Variants in TSBP1 observed in about 807,000 individuals in gnomAD.
TSBP1 encodes the protein testis expressed basic protein 1, also known as testis-expressed basic protein 1.
In TSBP1, 56 loss-of-function variants were observed where a neutral mutation model predicts 68.8. That is an observed-to-expected ratio of 0.81 (90% CI 0.66 to 1.02). The LOEUF (loss-of-function observed/expected upper bound fraction) is 1.02, where lower values mean the gene tolerates loss of function less well. TSBP1 is among the 50% of genes least tolerant of loss of function. The pLI, the probability that TSBP1 is intolerant of heterozygous loss-of-function variation, is 0.00. For missense variants in TSBP1, 502 were observed against 641.2 expected (o/e 0.78, Z 2.34); for synonymous variants, 171 against 208.7 (o/e 0.82, Z 1.56).
intron 4 of TSBP1, 83 bp downstream of exon 4, chr6:32,367,842 C>A: frequency 9.8e-7 from 1 of 1,018,010 alleles, no homozygotes; most frequent in Non-Finnish European, 1.5e-6. Context: ...CTCAACAAAT[C>A]ATGCTCAAAT....
chr6:32,330,681 T>C, intron 15 of TSBP1, 72 bp from the exon 17 acceptor site: 3 of 1,405,452 alleles, frequency 2.1e-6, no homozygotes, highest in Non-Finnish European at 1.9e-6. Context: ...CACACTTCTA[T>C]TTTTTGAGAC....
intron 1 of TSBP1, among the ~76,000 whole-genome samples, chr6:32,370,779 G>A (rs768588563): frequency 3.3e-5 from 5 of 151,272 alleles, no homozygotes; most frequent in Non-Finnish European, 7.4e-5. Context: ...GCAGTCATAG[G>A]AGAGAAAAAT....
rs2127601569 is a variant in TSBP1 at position 32,333,372 on chromosome 6, A to G, written c.473-1318T>C. On this transcript the variant is annotated intron_variant, in intron 14 of 22. Transcript: ENST00000612031. The surrounding 1 kb of genome is among the most constrained non-coding windows in gnomAD (Gnocchi z 4.2). ...GATGTTAGACTGCATCTGAACTGGG[A>G]GAATTGTAAATATGTATTAAGAAGC... Among the ~76,000 whole-genome samples the G allele has an allele frequency of 6.6e-6, 1 of 152,308 alleles. No homozygotes were observed. The highest frequency in any genetic ancestry group is 1.5e-5 in the Non-Finnish European group (1 of 68,032).
At position 32,370,407 on chromosome 6, in the gene TSBP1, GTATATATATA is replaced by G. The variant is rs9279612; in HGVS notation, c.14-434_14-425del. ...TACCTTTAAAGTTGCAAGATTTTCT[GTATATATATA>G]TATATATATATATATATATATATAT... is the stretch of plus-strand genomic sequence containing the variant. On this transcript the variant is annotated intron_variant, in intron 1 of 22. Coordinates refer to ENST00000612031, the Ensembl canonical transcript of TSBP1. Among the ~76,000 whole-genome samples the G allele has an allele frequency of 3.9e-3, 513 of 130,694 alleles. 13 individuals are homozygous for G. Among genetic ancestry groups the G allele is most frequent in the East Asian group, 0.027 (125 of 4,596 alleles). The allele number at this position is 130,694 out of a possible 152,430, so 85.7% of individuals were successfully genotyped here. A position where few individuals can be genotyped will look rare whatever the true frequency, so the allele number is the denominator to read the frequency against.
chr6:32,342,288 C>T lies in TSBP1; in HGVS notation c.350-2650G>A, dbSNP rs867489939. Among the ~76,000 whole-genome samples, 47 of 151,882 alleles carry T rather than the reference C, an allele frequency of 3.1e-4. 1 individual carries two copies. The highest frequency in any genetic ancestry group is 1.1e-3 in the African/African-American group (46 of 41,414). ...AAGCAATTCTCCTGCCTCAGCCTCC[C>T]GAGTAGCTGGAATTACAGGAGCATA... On this transcript the variant is annotated intron_variant, in intron 9 of 22. Coordinates refer to ENST00000612031, the Ensembl canonical transcript of TSBP1.
chr6:32,342,077 GA>G (rs1216147106), intron 9 of TSBP1, among the ~76,000 whole-genome samples: 3 of 139,180 alleles, frequency 2.2e-5, no homozygotes, highest in African/African-American at 8.2e-5. Flanking sequence ...ACAATCAATT[GA>G]AATCAGTTCC....
rs958754119 is a variant in TSBP1 at position 32,323,579 on chromosome 6, A to G, written c.538+12T>C. 3 of 1,611,498 alleles carry G rather than the reference A, an allele frequency of 1.9e-6. No homozygotes were observed. Among genetic ancestry groups the G allele is most frequent in the Non-Finnish European group, 2.5e-6 (3 of 1,178,890 alleles). ...AACAACAGAAAAGAGTAGAAAAAGAAATTGAACTTACCGCGGGGTGCTGAA... is the reference window on the plus strand; with the variant it reads ...AACAACAGAAAAGAGTAGAAAAAGAGATTGAACTTACCGCGGGGTGCTGAA... On this transcript the variant is annotated intron_variant, in intron 17 of 22. Transcript: ENST00000612031.
In TSBP1 at chr6:32,302,010, A is replaced by C. The variant is rs1749096470; in HGVS notation, c.601+599T>G. Among the ~76,000 whole-genome samples the C allele has an allele frequency of 6.7e-6, 1 of 148,820 alleles. No individual in the cohort carries two copies. The highest frequency in any genetic ancestry group is 2.0e-4 in the East Asian group (1 of 5,114). On this transcript the variant is annotated intron_variant, in intron 20 of 22. Transcript: ENST00000612031. The surrounding 1 kb of genome is among the most constrained non-coding windows in gnomAD (Gnocchi z 5.1). The stretch of plus-strand genomic sequence containing the variant: ...TAATAATAATATTTTGTGGCACATG[A>C]AAATTGTATGAAATTCAAATTTCAA...
In TSBP1 at chr6:32,325,223, C is replaced by A; in HGVS notation, c.515-1609G>T. 4.1e-6 allele frequency: 3 copies of A among 725,070 alleles called. No homozygotes were observed. Among genetic ancestry groups the A allele is most frequent in the South Asian group, 2.0e-5 (1 of 50,112 alleles). 44.9% of individuals were successfully genotyped at this position (725,070 alleles called of 1,614,324 possible). A position where few individuals can be genotyped will look rare whatever the true frequency, so the allele number is the denominator to read the frequency against. On this transcript the variant is annotated intron_variant, in intron 16 of 22. Transcript: ENST00000612031. This position sits in a 1 kb window ranked among gnomAD's most constrained non-coding sequence, Gnocchi z 4.4. ...GTCTCTCTTCTCCTGGCCGTCTTAT[C>A]TAAGTCAGAGTCTCCTAAAGAGCCA... is the stretch of plus-strand genomic sequence containing the variant.
chr6:32,369,380 T>TTC (rs1347981603), intron 2 of TSBP1, among the ~76,000 whole-genome samples: 1 of 149,134 alleles, frequency 6.7e-6, no homozygotes, highest in Admixed American at 6.7e-5. Context: ...GTGATTTTTT[T>TTC]TTTTTTTTGA....
Position 32,338,907 on chromosome 6 carries a change from G to A in TSBP1, c.409+72C>T. The A allele has an allele frequency of 8.8e-7, 1 of 1,133,804 alleles. No individual in the cohort carries two copies. The highest frequency in any genetic ancestry group is 1.5e-5 in the African/African-American group (1 of 65,384). 70.2% of individuals were successfully genotyped at this position (1,133,804 alleles called of 1,614,324 possible). On this transcript the variant is annotated intron_variant, in intron 11 of 22. Coordinates refer to ENST00000612031, the Ensembl canonical transcript of TSBP1. This position sits in a 1 kb window ranked among gnomAD's most constrained non-coding sequence, Gnocchi z 5.5. ...AAGAAATAAAAAAATCTAGGAATATGAGTGTCTTACATATTCTAACAGTTT... is the reference window on the plus strand; with the variant it reads ...AAGAAATAAAAAAATCTAGGAATATAAGTGTCTTACATATTCTAACAGTTT...
At chr6:32,296,607 A>G (rs1393293578) in intron 22 of TSBP1, among the ~76,000 whole-genome samples, 1 of 152,184 alleles carries the variant, frequency 6.6e-6, no homozygotes, top group African/African-American at 2.4e-5. Context: ...GTTTAGGGGT[A>G]TGGTGGTGTG....
intron 9 of TSBP1, 104 bp downstream of exon 9, chr6:32,349,636 T>A (rs545564809): frequency 1.4e-6 from 1 of 690,178 alleles, no homozygotes; most frequent in African/African-American, 1.8e-5. Context: ...AAGCTTAAGC[T>A]TCTGCTGTGC....
intron 10 of TSBP1, 122 bp downstream of exon 11, chr6:32,339,478 T>C (rs1157204320): frequency 6.7e-6 from 5 of 748,318 alleles, no homozygotes; most frequent in East Asian, 2.5e-5. Flanking sequence ...AGGCACATTA[T>C]AGAATATCAA....
chr6:32,362,667 T>A (rs1773200193), intron 6 of TSBP1, among the ~76,000 whole-genome samples: 1 of 152,240 alleles, frequency 6.6e-6, no homozygotes, highest in African/African-American at 2.4e-5. Flanking sequence ...ATACCACTTA[T>A]TTTTGCTTTT....
chr6:32,364,121 A>T (rs1773379335), intron 6 of TSBP1, among the ~76,000 whole-genome samples: 1 of 152,192 alleles, frequency 6.6e-6, no homozygotes. Context: ...TGTACCTTTA[A>T]ATGTGATATG....
In TSBP1 at chr6:32,315,081, G is replaced by A. The variant is rs1260760638; in HGVS notation, c.580+691C>T. Among the ~76,000 whole-genome samples the A allele has an allele frequency of 1.3e-5, 2 of 152,204 alleles. No individual in the cohort carries two copies. Among genetic ancestry groups the A allele is most frequent in the Admixed American group, 1.3e-4 (2 of 15,288 alleles). ...AATTTCAGGATGAGGAATCTCAGCT[G>A]ATATTGGGTTTGCTTAAATCATTTG... On this transcript the variant is annotated intron_variant, in intron 19 of 22. Transcript: ENST00000612031. The surrounding 1 kb of genome is among the most constrained non-coding windows in gnomAD (Gnocchi z 5.4).
rs7775332 is a variant in TSBP1, at chr6:32,302,586, A to T, written c.601+23T>A. On this transcript the variant is annotated intron_variant, in intron 20 of 22. Coordinates refer to ENST00000612031, the Ensembl canonical transcript of TSBP1. The surrounding 1 kb of genome is among the most constrained non-coding windows in gnomAD (Gnocchi z 5.1). Reference sequence around the variant, plus strand: ...CCCAGCCCTACAAGAAACTAATGTAATAAAAATATATTAGGAACTTACTAG... The same window carrying T: ...CCCAGCCCTACAAGAAACTAATGTATTAAAAATATATTAGGAACTTACTAG... The T allele has an allele frequency of 0.23, 332,274 of 1,470,948 alleles. 39,951 individuals are homozygous for T. Among genetic ancestry groups the T allele is most frequent in the African/African-American group, 0.34 (23,356 of 69,184 alleles). The allele number at this position is 1,470,948 out of a possible 1,614,324, so 91.1% of individuals were successfully genotyped here.
chr6:32,339,370 C>T (rs1419442191), intron 10 of TSBP1: 2 of 633,088 alleles, frequency 3.2e-6, no homozygotes, highest in Non-Finnish European at 5.8e-6. Context: ...TCTCAAATTC[C>T]TCACACTGGT....
Sources: gnomAD v4.1 joint callset for allele counts (sites outside exome capture counted in the v4.1 genomes callset) on GRCh38, gnomAD v4.1.1 for gene constraint, Gnocchi (gnomAD v3.1) non-coding constraint, MANE v1.5 for transcripts, NCBI Gene and HGNC (gene_info 2026-07-23, HGNC 2026-07-21) for gene names.